The following PHACTR2 variants were observed in gnomAD, a reference collection of about 807,000 sequenced individuals.
PHACTR2 encodes the protein chromosome 6 open reading frame 56.
A neutral mutation model predicts 76.0 loss-of-function variants in PHACTR2; 30 were observed. That is an observed-to-expected ratio of 0.39 (90% CI 0.30 to 0.54). The LOEUF is 0.54. PHACTR2 is among the 20% of genes least tolerant of loss of function. The pLI is 0.61. For synonymous variants in PHACTR2, 292 were observed against 292.5 expected (o/e 1.00, Z 0.02); for missense variants, 696 against 781.1 (o/e 0.89, Z 1.30).
rs984535335 is a variant in PHACTR2 at position 143,683,039 on chromosome 6, C to T, written c.46+4830C>T. On this transcript the variant is annotated intron_variant, in intron 1 of 12. Coordinates refer to ENST00000440869, the MANE Select transcript of PHACTR2 (RefSeq NM_001100164.2). The surrounding 1 kb of genome is among the most constrained non-coding windows in gnomAD (Gnocchi z 4.1). Reference sequence around the variant, plus strand: ...CCTTGCATTCCTAGGATAAATCCCACTTGGGTAATGTGTATAATCCTTTTT... The same window carrying T: ...CCTTGCATTCCTAGGATAAATCCCATTTGGGTAATGTGTATAATCCTTTTT... Among the ~76,000 whole-genome samples the T allele has an allele frequency of 1.4e-4, 21 of 152,176 alleles. No individual in the cohort carries two copies. The highest frequency in any genetic ancestry group is 4.6e-4 in the African/African-American group (19 of 41,430).
At chr6:143,741,669 C>T (rs1410138067) in intron 2 of PHACTR2, among the ~76,000 whole-genome samples, 1 of 152,184 alleles carries the variant, frequency 6.6e-6, no homozygotes. Context: ...GAACACAGAT[C>T]TTCCTCTTTC....
rs1775959298 is a variant in PHACTR2 at position 143,610,525 on chromosome 6, A to G, written c.13+2203A>G. ...TTCTGTGTGGGAGTTTGGATAATTG[A>G]CAGGCAGAAGCACAGCAATGGGTCC... On this transcript the variant is annotated intron_variant, in intron 1 of 11. Transcript: ENST00000305766. This position sits in a 1 kb window ranked among gnomAD's most constrained non-coding sequence, Gnocchi z 4.9. Among the ~76,000 whole-genome samples the G allele has an allele frequency of 6.6e-6, 1 of 152,214 alleles. No individual in the cohort carries two copies. Among genetic ancestry groups the G allele is most frequent in the African/African-American group, 2.4e-5 (1 of 41,452 alleles).
Position 143,703,880 on chromosome 6 carries a change from G to A in PHACTR2, c.47-8136G>A, listed in dbSNP as rs371511077. Among the ~76,000 whole-genome samples the A allele has an allele frequency of 5.3e-5, 8 of 152,094 alleles. No individual in the cohort carries two copies. The East Asian group carries it at 1.4e-3, about 26-fold the overall frequency. On this transcript the variant is annotated intron_variant, in intron 1 of 12. Coordinates refer to ENST00000440869, the MANE Select transcript of PHACTR2 (RefSeq NM_001100164.2). Reference sequence around the variant, plus strand: ...TTTAGATTATTTAGATATTTAGATCGTTTCTTTAAAAATTTTTACATTTAA... The same window carrying A: ...TTTAGATTATTTAGATATTTAGATCATTTCTTTAAAAATTTTTACATTTAA...
chr6:143,563,850 A>T (rs2128430167), intron 1 of PHACTR2, among the ~76,000 whole-genome samples: 1 of 151,696 alleles, frequency 6.6e-6, no homozygotes, highest in South Asian at 2.1e-4. Flanking sequence ...AAAAAATACA[A>T]AAAATTAGCA....
chr6:143,786,382 G>A (rs1452850139), intron 10 of PHACTR2, among the ~76,000 whole-genome samples: 1 of 152,178 alleles, frequency 6.6e-6, no homozygotes, highest in Non-Finnish European at 1.5e-5. Flanking sequence ...ATTGCTATCA[G>A]CATTTTTGTC....
intron 1 of PHACTR2, chr6:143,711,715 T>A: frequency 3.5e-6 from 2 of 571,316 alleles, no homozygotes; most frequent in South Asian, 2.9e-5. Context: ...ATTGATGGGG[T>A]TGTTGCAGAT....
intron 1 of PHACTR2, among the ~76,000 whole-genome samples, chr6:143,588,827 A>G (rs1775657694): frequency 6.6e-6 from 1 of 152,234 alleles, no homozygotes; most frequent in Non-Finnish European, 1.5e-5. Flanking sequence ...TTTGATATCT[A>G]TGAATTTGAA....
Position 143,738,709 on chromosome 6 carries a change from T to C in PHACTR2, c.215-10276T>C, listed in dbSNP as rs1273758449. On this transcript the variant is annotated intron_variant, in intron 2 of 12. Coordinates refer to ENST00000440869, the MANE Select transcript of PHACTR2 (RefSeq NM_001100164.2). This position sits in a 1 kb window ranked among gnomAD's most constrained non-coding sequence, Gnocchi z 4.0. Reference sequence around the variant, plus strand: ...AGGCGGAGGCTGCAGTGAGCCAAGATCGTGCAACTGTACTCCAGCCTGGGT... The same window carrying C: ...AGGCGGAGGCTGCAGTGAGCCAAGACCGTGCAACTGTACTCCAGCCTGGGT... Among the ~76,000 whole-genome samples the C allele has an allele frequency of 6.6e-6, 1 of 151,850 alleles. No homozygotes were observed. The highest frequency in any genetic ancestry group is 1.5e-5 in the Non-Finnish European group (1 of 67,986).
chr6:143,732,331 C>A (rs1460100124), intron 2 of PHACTR2, among the ~76,000 whole-genome samples: 1 of 152,158 alleles, frequency 6.6e-6, no homozygotes, highest in Non-Finnish European at 1.5e-5. Context: ...TCTATCTCTG[C>A]GGGTTTGCCT....
intron 1 of PHACTR2, among the ~76,000 whole-genome samples, chr6:143,615,384 C>T (rs181645684): frequency 6.6e-6 from 1 of 152,226 alleles, no homozygotes; most frequent in East Asian, 1.9e-4. Context: ...AGTCAACAAA[C>T]ATTTAATGAT....
In PHACTR2 at chr6:143,780,118, G is replaced by A. The variant is rs1775391059; in HGVS notation, c.1645+2735G>A. On this transcript the variant is annotated intron_variant, in intron 9 of 12. Transcript: ENST00000440869. The surrounding 1 kb of genome is among the most constrained non-coding windows in gnomAD (Gnocchi z 4.4). ...AAAATGAATTAGGCCATTGAGTTCT[G>A]CATATATTTTTCCCCAACATTTTAT... is the stretch of plus-strand genomic sequence containing the variant. 6.6e-6 allele frequency among the ~76,000 whole-genome samples: 1 copy of A among 151,926 alleles called. No homozygotes were observed. Among genetic ancestry groups the A allele is most frequent in the Admixed American group, 6.6e-5 (1 of 15,246 alleles).
rs115961004 is a variant in PHACTR2, at chr6:143,548,232, A to G, written c.217+11025A>G. On this transcript the variant is annotated intron_variant, in intron 1 of 11. Transcript: ENST00000367584. This position sits in a 1 kb window ranked among gnomAD's most constrained non-coding sequence, Gnocchi z 4.5. Reference sequence around the variant, plus strand: ...CTCTGTGAGCTCCTATAATGACACTAATTTCATTCATGAAGGTTCCACCCT... The same window carrying G: ...CTCTGTGAGCTCCTATAATGACACTGATTTCATTCATGAAGGTTCCACCCT... 7.1e-3 allele frequency among the ~76,000 whole-genome samples: 1,086 copies of G among 152,138 alleles called. 17 individuals are homozygous for G. The highest frequency in any genetic ancestry group is 0.022 in the African/African-American group (913 of 41,506).
upstream of PHACTR2, among the ~76,000 whole-genome samples, chr6:143,674,838 T>C (rs1238357046): frequency 6.6e-6 from 1 of 152,216 alleles, no homozygotes. This position sits in a 1 kb window ranked among gnomAD's most constrained non-coding sequence, Gnocchi z 4.9. Flanking sequence ...GTGGTGACTG[T>C]AGTAATTGTA....
Position 143,581,718 on chromosome 6 carries a change from C to G in PHACTR2, c.217+44511C>G, listed in dbSNP as rs1210530927. 1.3e-5 allele frequency among the ~76,000 whole-genome samples: 2 copies of G among 152,142 alleles called. No homozygotes were observed. Among genetic ancestry groups the G allele is most frequent in the South Asian group, 2.1e-4 (1 of 4,808 alleles). ...TGGTGGTGGGTGCCTGTAATCCCAGCTAGTCAGGAGGGTGAGGCAGGAGGA... is the reference window on the plus strand; with the variant it reads ...TGGTGGTGGGTGCCTGTAATCCCAGGTAGTCAGGAGGGTGAGGCAGGAGGA... On this transcript the variant is annotated intron_variant, in intron 1 of 11. Transcript: ENST00000367584. This position sits in a 1 kb window ranked among gnomAD's most constrained non-coding sequence, Gnocchi z 4.5.
At position 143,708,768 on chromosome 6, in the gene PHACTR2, G is replaced by A. The variant is rs946217859; in HGVS notation, c.47-3248G>A. The stretch of plus-strand genomic sequence containing the variant: ...CATCGGCCAACTGTGCCAACATATG[G>A]TTTCTAATTGCAAATATGGTCTATG... On this transcript the variant is annotated intron_variant, in intron 1 of 12. Coordinates refer to ENST00000440869, the MANE Select transcript of PHACTR2 (RefSeq NM_001100164.2). The surrounding 1 kb of genome is among the most constrained non-coding windows in gnomAD (Gnocchi z 5.5). Among the ~76,000 whole-genome samples the A allele has an allele frequency of 1.3e-5, 2 of 152,132 alleles. No individual in the cohort carries two copies. The highest frequency in any genetic ancestry group is 2.9e-5 in the Non-Finnish European group (2 of 68,016).
intron 2 of PHACTR2, among the ~76,000 whole-genome samples, chr6:143,721,294 G>A (rs1778437426): frequency 6.6e-6 from 1 of 152,062 alleles, no homozygotes; most frequent in Admixed American, 6.6e-5. Context: ...TGGAATTATG[G>A]GTATGCTCCC....
rs1324171418 is a variant in PHACTR2, at chr6:143,787,884, A to C, written c.1708-889A>C. On this transcript the variant is annotated intron_variant, in intron 10 of 12. Coordinates refer to ENST00000440869, the MANE Select transcript of PHACTR2 (RefSeq NM_001100164.2). The surrounding 1 kb of genome is among the most constrained non-coding windows in gnomAD (Gnocchi z 4.6). Reference sequence around the variant, plus strand: ...GGCCCTATGGCTACAATAGAGGTCTAAGTCTACCTCTCTGGAGATAACTGT... The same window carrying C: ...GGCCCTATGGCTACAATAGAGGTCTCAGTCTACCTCTCTGGAGATAACTGT... 1.3e-5 allele frequency among the ~76,000 whole-genome samples: 2 copies of C among 152,214 alleles called. No individual in the cohort carries two copies. The highest frequency in any genetic ancestry group is 2.9e-5 in the Non-Finnish European group (2 of 68,038).
In PHACTR2 at chr6:143,581,825, C is replaced by A. The variant is rs1006464655; in HGVS notation, c.217+44618C>A. Among the ~76,000 whole-genome samples, 1 of 152,058 alleles carries A rather than the reference C, an allele frequency of 6.6e-6. No individual in the cohort carries two copies. The highest frequency in any genetic ancestry group is 1.5e-5 in the Non-Finnish European group (1 of 68,022). On this transcript the variant is annotated intron_variant, in intron 1 of 11. Coordinates refer to the PHACTR2 transcript ENST00000367584. This position sits in a 1 kb window ranked among gnomAD's most constrained non-coding sequence, Gnocchi z 4.5. ...CCAGCCTGGGTGACAGAGTGAGAAC[C>A]CTGTTCCCCTCCCCACCCCTCAAAA...
chr6:143,655,487 A>G (rs755070996), intron 1 of PHACTR2, among the ~76,000 whole-genome samples: 1 of 152,272 alleles, frequency 6.6e-6, no homozygotes, highest in Non-Finnish European at 1.5e-5. Context: ...ATATTTCAAT[A>G]AAGAAGATAT....
Sources: gnomAD v4.1 joint callset for allele counts (sites outside exome capture counted in the v4.1 genomes callset) on GRCh38, gnomAD v4.1.1 for gene constraint, Gnocchi (gnomAD v3.1) non-coding constraint, MANE v1.5 for transcripts, NCBI Gene and HGNC (gene_info 2026-07-23, HGNC 2026-07-21) for gene names.